Variants in PRTN3 observed in about 807,000 individuals in gnomAD.
PRTN3 encodes myeloblastin.
Under a neutral mutation model 20.7 loss-of-function variants are expected in PRTN3, and 22 were observed. The observed-to-expected ratio is 1.06, with a 90% CI of 0.76 to 1.52. PRTN3 has a LOEUF of 1.52. Among genes scored for constraint, PRTN3 ranks in the 40% most tolerant of loss-of-function variants. PRTN3 has a pLI of 0.00. For synonymous variants in PRTN3, 173 were observed against 152.9 expected, an observed-to-expected ratio of 1.13 and a Z score of -0.97; for missense variants, 378 against 359.6, an observed-to-expected ratio of 1.05 and a Z score of -0.41.
intron 1 of PRTN3, 65 bp from the exon 2 acceptor site, chr19:843,396 G>T: frequency 1.4e-6 from 2 of 1,461,574 alleles, no homozygotes; most frequent in Non-Finnish European, 1.8e-6. Context: ...CCCAGGGGCT[G>T]CTCTGCCATC....
rs145794662 is a variant in PRTN3, at chr19:846,252, C to T, written c.475C>T (p.Arg159Cys). ...CCAGTGCCTGGCCATGGGCTGGGGC[C>T]GCGTGGGTGCCCACGACCCCCCAGC... ...GTQCLAMGWG[R>C]VGAHDPPAQV... Residue 159 changes from arginine to cysteine, a missense_variant, in exon 4 of 5, where the codon CGC becomes TGC. Transcript: ENST00000234347. 4.9e-5 allele frequency: 77 copies of T among 1,563,452 alleles called. No individual in the cohort carries two copies. The highest frequency in any genetic ancestry group is 2.1e-4 in the Admixed American group (11 of 52,276).
At chr19:844,238 C>T (rs1296195441) in intron 3 of PRTN3, among the ~76,000 whole-genome samples, 2 of 134,598 alleles carry the variant, frequency 1.5e-5, no homozygotes, top group Non-Finnish European at 3.1e-5. Context: ...CCCCCGCCCG[C>T]GCCTCTCCCC....
In PRTN3 at chr19:843,489, CG is replaced by C. The variant is rs2145126693; in HGVS notation, c.93del (p.His32ThrfsTer29). ...CTGCCCGAGCTGCGGAGATCGTGGG[CG>C]GGCACGAGGCGCAGCCACACTCCCG... is the stretch of plus-strand genomic sequence containing the variant. ...GAARAAEIVG[G>X]HEAQPHSRPY... On this transcript the variant is annotated frameshift_variant, in exon 2 of 5. Transcript: ENST00000234347. LOFTEE classifies it high-confidence loss of function. 1 of 1,579,628 alleles carries C rather than the reference CG, an allele frequency of 6.3e-7. No individual in the cohort carries two copies.
In PRTN3 at chr19:845,766, G is replaced by A. The variant is rs892841892; in HGVS notation, c.370-381G>A. 5.3e-5 allele frequency among the ~76,000 whole-genome samples: 8 copies of A among 150,934 alleles called. No homozygotes were observed. In the Admixed American group the frequency reaches 5.3e-4, roughly 10 times the overall value. ...AGAAAGAAAACATGAATGAATGGCC[G>A]GGCACTATGGCTCACACTTGTAATC... On this transcript the variant is annotated intron_variant, in intron 3 of 4. Transcript: ENST00000234347.
At position 848,060 on chromosome 19, in the gene PRTN3, A is replaced by G; in HGVS notation, c.*91A>G. ...GGACAGAAGCAGCTCTTCCCCGAAC[A>G]CTGTGGCGTCCGGGACGGCCCCACC... On this transcript the variant is annotated 3_prime_UTR_variant, in exon 5 of 5. Coordinates refer to ENST00000234347, the MANE Select transcript of PRTN3 (RefSeq NM_002777.4). The G allele has an allele frequency of 2.8e-6, 4 of 1,448,064 alleles. No individual in the cohort carries two copies. In the South Asian group the frequency reaches 5.2e-5, roughly 19 times the overall value. The allele number at this position is 1,448,064 out of a possible 1,614,324, so 89.7% of individuals were successfully genotyped here. A position where few individuals can be genotyped will look rare whatever the true frequency, so the allele number is the denominator to read the frequency against.
chr19:847,754 A>G lies in PRTN3; in HGVS notation c.601-45A>G, dbSNP rs374441958. 5.1e-6 allele frequency: 8 copies of G among 1,564,088 alleles called. No homozygotes were observed. The African/African-American group carries it at 8.1e-5, about 16-fold the overall frequency. On this transcript the variant is annotated intron_variant, in intron 4 of 4. Transcript: ENST00000234347. ...CTGGCCGTCCCCATCCTCCAGGGAG[A>G]CTCAGGTGGCCCCTGATGGGTGACT...
chr19:847,577 G>T (rs1400312567), intron 4 of PRTN3, among the ~76,000 whole-genome samples: 1 of 151,352 alleles, frequency 6.6e-6, no homozygotes, highest in East Asian at 1.9e-4. Flanking sequence ...GAGAGAGAGA[G>T]AGAGAAAGAA....
chr19:845,662 C>T (rs1040205051), intron 3 of PRTN3, among the ~76,000 whole-genome samples: 3 of 150,472 alleles, frequency 2.0e-5, no homozygotes, highest in Admixed American at 6.6e-5. Context: ...TGCAGTGAGC[C>T]GAGATTGTGC....
intron 1 of PRTN3, 137 bp from the exon 2 acceptor site, chr19:843,324 C>G (rs1378971914): frequency 8.5e-6 from 8 of 937,764 alleles, no homozygotes; most frequent in Non-Finnish European, 1.2e-5. Context: ...GGCGCTGAGT[C>G]CTTCCCACCA....
chr19:844,806 C>G (rs1458531591), intron 3 of PRTN3, among the ~76,000 whole-genome samples: 1 of 151,852 alleles, frequency 6.6e-6, no homozygotes, highest in Non-Finnish European at 1.5e-5. Flanking sequence ...AGGTGGTGCT[C>G]AGTAAGTGCT....
At position 843,962 on chromosome 19, in the gene PRTN3, C is replaced by G; in HGVS notation, c.297C>G (p.His99Gln). The G allele has an allele frequency of 6.2e-7, 1 of 1,604,132 alleles. No homozygotes were observed. Residue 99 changes from histidine to glutamine, a missense_variant, in exon 3 of 5, where the codon CAC (histidine) becomes CAG (glutamine). By Grantham distance (24) the His-to-Gln change is conservative. Coordinates refer to ENST00000234347, the MANE Select transcript of PRTN3 (RefSeq NM_002777.4). ...GGACGCAGGAGCCCACCCAGCAGCA[C>G]TTCTCGGTGGCTCAGGTGTTTCTGA... ...NVRTQEPTQQ[H>Q]FSVAQVFLNN...
At position 846,284 on chromosome 19, in the gene PRTN3, C is replaced by G; in HGVS notation, c.507C>G (p.Val169=). 1 of 1,590,912 alleles carries G rather than the reference C, an allele frequency of 6.3e-7. No homozygotes were observed. Among genetic ancestry groups the G allele is most frequent in the Non-Finnish European group, 8.6e-7 (1 of 1,169,364 alleles). ...GTGCCCACGACCCCCCAGCCCAGGT[C>G]CTGCAGGAGCTCAATGTCACCGTGG... The part of the protein sequence containing the change: ...RVGAHDPPAQ[V]LQELNVTVVT... Residue 169 remains valine, a synonymous_variant, in exon 4 of 5, where the codon GTC becomes GTG. Coordinates refer to ENST00000234347, the MANE Select transcript of PRTN3 (RefSeq NM_002777.4).
chr19:843,304 C>A, intron 1 of PRTN3, 157 bp from the exon 2 acceptor site: 1 of 709,900 alleles, frequency 1.4e-6, no homozygotes, highest in Non-Finnish European at 2.2e-6. Context: ...ATTATAACCC[C>A]CCCGGCCTGG....
chr19:841,476 G>A (rs2035437900), intron 1 of PRTN3, among the ~76,000 whole-genome samples: 1 of 151,550 alleles, frequency 6.6e-6, no homozygotes, highest in Non-Finnish European at 1.5e-5. Context: ...GAATCAATGA[G>A]TGAGTGAATG....
chr19:844,849 C>T (rs2035496146), intron 3 of PRTN3, among the ~76,000 whole-genome samples: 1 of 152,066 alleles, frequency 6.6e-6, no homozygotes, highest in South Asian at 2.1e-4. Context: ...CGCCTGTACT[C>T]CCAGTACTTT....
At chr19:844,743 G>A (rs932810798) in intron 3 of PRTN3, among the ~76,000 whole-genome samples, 13 of 151,150 alleles carry the variant, frequency 8.6e-5, no homozygotes, top group Admixed American at 5.9e-4. Flanking sequence ...GAGGATTTTT[G>A]TCTGTGTTGT....
intron 3 of PRTN3, among the ~76,000 whole-genome samples, chr19:845,187 A>T (rs1269650308): frequency 6.6e-6 from 1 of 151,834 alleles, no homozygotes; most frequent in Non-Finnish European, 1.5e-5. Context: ...ACCTCAAGTG[A>T]TCTGCTCTCC....
Position 843,493 on chromosome 19 carries a change from C to T in PRTN3, c.94C>T (p.His32Tyr), listed in dbSNP as rs1455054157. 1.3e-6 allele frequency: 2 copies of T among 1,581,198 alleles called. No homozygotes were observed. Among genetic ancestry groups the T allele is most frequent in the African/African-American group, 2.7e-5 (2 of 74,332 alleles). Reference sequence around the variant, plus strand: ...CCGAGCTGCGGAGATCGTGGGCGGGCACGAGGCGCAGCCACACTCCCGGCC... The same window carrying T: ...CCGAGCTGCGGAGATCGTGGGCGGGTACGAGGCGCAGCCACACTCCCGGCC... ...AARAAEIVGGHEAQPHSRPYM... is the reference protein window; with the variant it reads ...AARAAEIVGGYEAQPHSRPYM... Residue 32 changes from histidine to tyrosine, a missense_variant, in exon 2 of 5, where the codon CAC (histidine) becomes TAC (tyrosine). Coordinates refer to ENST00000234347, the MANE Select transcript of PRTN3 (RefSeq NM_002777.4).
intron 2 of PRTN3, 56 bp from the exon 3 acceptor site, chr19:843,837 C>T (rs895785559): frequency 1.3e-6 from 2 of 1,525,480 alleles, no homozygotes; most frequent in Non-Finnish European, 1.8e-6. Context: ...GAAGGGCCGG[C>T]TGTGGGCGGC....
Sources: gnomAD v4.1 joint callset for allele counts (sites outside exome capture counted in the v4.1 genomes callset) on GRCh38, gnomAD v4.1.1 for gene constraint, MANE v1.5 for transcripts, NCBI Gene and HGNC (gene_info 2026-07-23, HGNC 2026-07-21) for gene names.